Variants in PCMTD2 observed in about 807,000 individuals in gnomAD.
PCMTD2 encodes protein-L-isoaspartate O-methyltransferase domain-containing protein 2.
A neutral mutation model predicts 33.4 loss-of-function variants in PCMTD2; 16 were observed. The ratio of observed to expected loss-of-function variants is 0.48; its 90% CI spans 0.32 to 0.73. PCMTD2 has a LOEUF of 0.73. PCMTD2 is among the 30% of genes least tolerant of loss of function. The pLI is 0.03. For synonymous variants in PCMTD2, 161 were observed against 160.8 expected (o/e 1.00, Z -0.01); for missense variants, 374 against 449.9 (o/e 0.83, Z 1.53).
At chr20:64,259,768 T>C in intron 1 of PCMTD2, 174 bp from the exon 2 acceptor site, 1 of 554,736 alleles carries the variant, frequency 1.8e-6, no homozygotes, top group Non-Finnish European at 3.2e-6. Context: ...CTGGGATTTT[T>C]TTTCCTTCTA....
intron 5 of PCMTD2, among the ~76,000 whole-genome samples, chr20:64,270,209 G>A (rs1426202903): frequency 4.9e-5 from 7 of 143,112 alleles, no homozygotes; most frequent in Admixed American, 3.5e-4. Flanking sequence ...GAGTGCGGGC[G>A]TGCGTGGTGC....
At position 64,264,451 on chromosome 20, in the gene PCMTD2, G is replaced by A. The variant is rs1474230913; in HGVS notation, c.330G>A (p.Gly110=). 1 of 1,594,002 alleles carries A rather than the reference G, an allele frequency of 6.3e-7. No homozygotes were observed. Among genetic ancestry groups the A allele is most frequent in the Admixed American group, 1.7e-5 (1 of 59,972 alleles). The change falls in exon 3 of 6, where the codon GGG becomes GGA. Residue 110 remains glycine (G), a synonymous_variant. Coordinates refer to ENST00000308824, the MANE Select transcript of PCMTD2 (RefSeq NM_018257.3). ...LILGPFGVNH[G]VELHSDVIEY... ...TAGGTCCTTTTGGTGTGAACCATGG[G>A]GTGGAACTTCACTCAGATGTGATAG...
At chr20:64,268,850 G>A (rs936523315) in intron 5 of PCMTD2, among the ~76,000 whole-genome samples, 1 of 152,132 alleles carries the variant, frequency 6.6e-6, no homozygotes, top group Non-Finnish European at 1.5e-5. Context: ...ACTAAGTACA[G>A]GTTCTAAGAA....
chr20:64,270,652 C>T (rs1985877002), intron 5 of PCMTD2, among the ~76,000 whole-genome samples: 1 of 152,178 alleles, frequency 6.6e-6, no homozygotes, highest in Non-Finnish European at 1.5e-5. Flanking sequence ...TGAAATTTTC[C>T]AGGCGAGAGA....
intron 2 of PCMTD2, 67 bp downstream of exon 2, chr20:64,260,339 A>AG: frequency 8.7e-7 from 1 of 1,155,472 alleles, no homozygotes; most frequent in Non-Finnish European, 1.3e-6. Flanking sequence ...TTTGACAGAA[A>AG]ATGTAGTCTG....
chr20:64,261,290 T>C (rs747012230), intron 2 of PCMTD2, among the ~76,000 whole-genome samples: 3 of 152,300 alleles, frequency 2.0e-5, no homozygotes, highest in African/African-American at 4.8e-5. Context: ...GCCAGGCTGC[T>C]GAGGCAAAGC....
intron 5 of PCMTD2, 46 bp from the exon 6 acceptor site, chr20:64,273,175 T>C (rs755833025): frequency 1.3e-6 from 2 of 1,544,858 alleles, no homozygotes; most frequent in Admixed American, 3.8e-5. Flanking sequence ...GTTGTGGTGG[T>C]GTCACTCCGA....
intron 2 of PCMTD2, among the ~76,000 whole-genome samples, chr20:64,263,531 C>T (rs941335365): frequency 1.4e-4 from 21 of 152,190 alleles, no homozygotes; most frequent in Non-Finnish European, 2.1e-4. Context: ...TAAAGTCCTA[C>T]GTGCCTTGTG....
chr20:64,258,407 TGACTG>T (rs1434586541), intron 1 of PCMTD2, among the ~76,000 whole-genome samples: 1 of 152,240 alleles, frequency 6.6e-6, no homozygotes, highest in Non-Finnish European at 1.5e-5. Context: ...GAAAATTTAA[TGACTG>T]GACCATCCTA....
Position 64,264,426 on chromosome 20 carries a change from T to C in PCMTD2, c.308-3T>C. 6.7e-7 allele frequency: 1 copy of C among 1,493,656 alleles called. No individual in the cohort carries two copies. The highest frequency in any genetic ancestry group is 9.3e-7 in the Non-Finnish European group (1 of 1,070,320). The allele number at this position is 1,493,656 out of a possible 1,614,324, so 92.5% of individuals were successfully genotyped here. On this transcript the variant is annotated splice_polypyrimidine_tract_variant and splice_region_variant and intron_variant, in intron 2 of 5. Coordinates refer to ENST00000308824, the MANE Select transcript of PCMTD2 (RefSeq NM_018257.3). ...CATGTTTTCTTATTCTTAAACCTTT[T>C]AGGTCCTTTTGGTGTGAACCATGGG... is the stretch of plus-strand genomic sequence containing the variant.
intron 4 of PCMTD2, 180 bp downstream of exon 4, chr20:64,265,609 C>G (rs1285260046): frequency 2.9e-5 from 13 of 451,012 alleles, no homozygotes; most frequent in Non-Finnish European, 5.0e-5. Context: ...CAGAAGCTGA[C>G]TCAGGTGGGT....
chr20:64,255,772 G>GCGGCGGCGGCGGCGGCGGCGGCGGCGGC lies in PCMTD2; in HGVS notation c.-123_-122insCGGCGGCGGCGGCGGCGGCGGCGGCGGC. ...CGGATGTTTACGGCGGCCGAGGTTGGAGCGGCGCTGCTCGGCCGCGGACAC... is the reference window on the plus strand; with the variant it reads ...CGGATGTTTACGGCGGCCGAGGTTGGCGGCGGCGGCGGCGGCGGCGGCGGCGGCAGCGGCGCTGCTCGGCCGCGGACAC... On this transcript the variant is annotated 5_prime_UTR_variant, in exon 1 of 6. An upstream open reading frame in the 5' UTR gains an earlier in-frame stop. Coordinates refer to ENST00000308824, the MANE Select transcript of PCMTD2 (RefSeq NM_018257.3). 1 of 185,838 alleles carries GCGGCGGCGGCGGCGGCGGCGGCGGCGGC rather than the reference G, an allele frequency of 5.4e-6. No individual in the cohort carries two copies. The highest frequency in any genetic ancestry group is 1.1e-5 in the Non-Finnish European group (1 of 93,886). The allele number at this position is 185,838 out of a possible 1,614,324, so 11.5% of individuals were successfully genotyped here. A position where few individuals can be genotyped will look rare whatever the true frequency, so the allele number is the denominator to read the frequency against.
intron 5 of PCMTD2, among the ~76,000 whole-genome samples, chr20:64,269,668 A>G (rs554461646): frequency 1.3e-5 from 2 of 151,402 alleles, no homozygotes; most frequent in African/African-American, 4.9e-5. Context: ...GTGTAAGTTT[A>G]GACCTGCACA....
At position 64,275,308 on chromosome 20, in the gene PCMTD2, C is replaced by CTGATA. The variant is rs1986064694; in HGVS notation, c.*1709_*1713dup. The CTGATA allele has an allele frequency of 6.6e-6, 1 of 152,140 alleles. No individual in the cohort carries two copies. Among genetic ancestry groups the CTGATA allele is most frequent in the Non-Finnish European group, 1.5e-5 (1 of 68,022 alleles). The allele number at this position is 152,140 out of a possible 1,614,324, so 9.4% of individuals were successfully genotyped here. A position where few individuals can be genotyped will look rare whatever the true frequency, so the allele number is the denominator to read the frequency against. Reference sequence around the variant, plus strand: ...GAGATCCTTGTGGGCATTATTCTAACTGATACGTAGACACTTACTTGGAAA... The same window carrying CTGATA: ...GAGATCCTTGTGGGCATTATTCTAACTGATATGATACGTAGACACTTACTTGGAAA... On this transcript the variant is annotated 3_prime_UTR_variant, in exon 6 of 6. Coordinates refer to ENST00000308824, the MANE Select transcript of PCMTD2 (RefSeq NM_018257.3).
At position 64,275,034 on chromosome 20, in the gene PCMTD2, T is replaced by A. The variant is rs1020375310; in HGVS notation, c.*1434T>A. On this transcript the variant is annotated 3_prime_UTR_variant, in exon 6 of 6. Coordinates refer to ENST00000308824, the MANE Select transcript of PCMTD2 (RefSeq NM_018257.3). ...TTGCTGGGCTTCAGTGTCTCTGTGGTTTCACCAGCTTAGCTTGAGCTCTGG... is the reference window on the plus strand; with the variant it reads ...TTGCTGGGCTTCAGTGTCTCTGTGGATTCACCAGCTTAGCTTGAGCTCTGG... 48 of 152,326 alleles carry A rather than the reference T, an allele frequency of 3.2e-4. No individual in the cohort carries two copies. Among genetic ancestry groups the A allele is most frequent in the African/African-American group, 1.1e-3 (47 of 41,580 alleles). 9.4% of individuals were successfully genotyped at this position (152,326 alleles called of 1,614,324 possible).
intron 2 of PCMTD2, 96 bp downstream of exon 2, chr20:64,260,368 C>A: frequency 1.2e-6 from 1 of 816,280 alleles, no homozygotes; most frequent in South Asian, 1.6e-5. Flanking sequence ...CTGCCTGGGT[C>A]GAGACCGCAG....
chr20:64,260,799 G>A (rs1049083601), intron 2 of PCMTD2, among the ~76,000 whole-genome samples: 5 of 147,558 alleles, frequency 3.4e-5, no homozygotes. Flanking sequence ...TTGACCTCCT[G>A]GGATCCAGCA....
intron 2 of PCMTD2, among the ~76,000 whole-genome samples, chr20:64,264,121 G>T (rs1312378727): frequency 6.6e-6 from 1 of 152,180 alleles, no homozygotes; most frequent in Non-Finnish European, 1.5e-5. Context: ...GTTACCTCTG[G>T]ACAAACAGGT....
chr20:64,268,640 A>G (rs1469660361), intron 5 of PCMTD2, among the ~76,000 whole-genome samples: 2 of 152,216 alleles, frequency 1.3e-5, no homozygotes, highest in African/African-American at 4.8e-5. Flanking sequence ...TATTTAAAAT[A>G]AAACTATCAG....
Sources: allele counts gnomAD v4.1 joint callset (sites outside exome capture counted in the v4.1 genomes callset), GRCh38; gene constraint gnomAD v4.1.1; transcripts MANE v1.5; gene names NCBI Gene and HGNC (gene_info 2026-07-23, HGNC 2026-07-21).